Variants in AKAP19 observed in about 807,000 individuals in gnomAD.
AKAP19 encodes the protein A-kinase anchoring protein 19.
chr2:189,940,936 A>G, the AKAP19 span, among the ~76,000 whole-genome samples: 30,055 of 152,136 alleles, frequency 0.2, 3,096 homozygotes, highest in African/African-American at 0.27. Flanking sequence ...ATTTGTTCCA[A>G]ATCAGACACC....
chr2:190,167,618 A>G, the AKAP19 span, among the ~76,000 whole-genome samples: 1 of 152,234 alleles, frequency 6.6e-6, no homozygotes, highest in African/African-American at 2.4e-5. Context: ...GGGTAAAGGC[A>G]CTGGGTAAAT....
At chr2:189,983,943 G>A in the AKAP19 span, among the ~76,000 whole-genome samples, 4 of 152,226 alleles carry the variant, frequency 2.6e-5, no homozygotes, top group Non-Finnish European at 5.9e-5. Flanking sequence ...ACAAAAACCA[G>A]CAAGTTTTTT....
At chr2:190,055,741 A>T in the AKAP19 span, 5 of 152,180 alleles carry the variant, frequency 3.3e-5, no homozygotes, top group African/African-American at 1.2e-4. Context: ...TATAACTTAT[A>T]CTGTTTCTAC....
the AKAP19 span, among the ~76,000 whole-genome samples, chr2:189,913,590 T>C: frequency 1.6e-4 from 25 of 152,224 alleles, no homozygotes; most frequent in African/African-American, 5.5e-4. Context: ...TTCCTCTTGG[T>C]TCTCTTGGAT....
At chr2:189,909,132 A>G in the AKAP19 span, among the ~76,000 whole-genome samples, 2 of 151,770 alleles carry the variant, frequency 1.3e-5, no homozygotes, top group African/African-American at 2.4e-5. Context: ...TCTTTTTACA[A>G]TTTTTTAATT....
At chr2:189,916,328 T>A in the AKAP19 span, among the ~76,000 whole-genome samples, 1 of 107,324 alleles carries the variant, frequency 9.3e-6, no homozygotes, top group Non-Finnish European at 1.8e-5. Context: ...TTCTTTTTCT[T>A]CTTTTTTTTT....
chr2:189,938,352 AG>A, the AKAP19 span, among the ~76,000 whole-genome samples: 2 of 151,702 alleles, frequency 1.3e-5, no homozygotes, highest in Non-Finnish European at 2.9e-5. Flanking sequence ...AAAAAAAAAA[AG>A]AAAGAAAATG....
At chr2:190,005,015 G>T in the AKAP19 span, among the ~76,000 whole-genome samples, 1 of 152,180 alleles carries the variant, frequency 6.6e-6, no homozygotes, top group East Asian at 1.9e-4. Flanking sequence ...TAAAGATGGT[G>T]TGTCCAGAAG....
At chr2:189,983,464 G>A in the AKAP19 span, among the ~76,000 whole-genome samples, 7 of 152,196 alleles carry the variant, frequency 4.6e-5, no homozygotes, top group Non-Finnish European at 1.0e-4. Context: ...TGAAAAGCAT[G>A]AAAACACTTT....
the AKAP19 span, among the ~76,000 whole-genome samples, chr2:189,951,910 TG>T: frequency 1.3e-5 from 2 of 152,212 alleles, no homozygotes; most frequent in Non-Finnish European, 2.9e-5. Flanking sequence ...ATGAGAAAAG[TG>T]TTCTTCCTGA....
the AKAP19 span, among the ~76,000 whole-genome samples, chr2:190,185,125 T>C: frequency 6.6e-6 from 1 of 152,244 alleles, no homozygotes; most frequent in African/African-American, 2.4e-5. Context: ...CAAAATTACA[T>C]ATACTGCTGC....
At chr2:190,127,192 G>GA in the AKAP19 span, among the ~76,000 whole-genome samples, 8,254 of 141,048 alleles carry the variant, frequency 0.059, 283 homozygotes, top group African/African-American at 0.099. Context: ...GCCCTGACTG[G>GA]AAAAAAAAAA....
chr2:190,131,368 C>A, the AKAP19 span, among the ~76,000 whole-genome samples: 1 of 152,184 alleles, frequency 6.6e-6, no homozygotes, highest in Non-Finnish European at 1.5e-5. Flanking sequence ...ATGAAACCTT[C>A]ATAAAAATCC....
the AKAP19 span, among the ~76,000 whole-genome samples, chr2:189,925,652 G>A: frequency 6.6e-6 from 1 of 152,102 alleles, no homozygotes; most frequent in Non-Finnish European, 1.5e-5. Context: ...TTTCATATGT[G>A]CAATACATGT....
the AKAP19 span, among the ~76,000 whole-genome samples, chr2:190,127,446 A>T: frequency 6.6e-6 from 1 of 152,084 alleles, no homozygotes; most frequent in African/African-American, 2.4e-5. Context: ...TATGGATAAT[A>T]TATCTTGGAC....
the AKAP19 span, among the ~76,000 whole-genome samples, chr2:190,006,880 C>A: frequency 2.6e-5 from 4 of 151,936 alleles, no homozygotes; most frequent in Middle Eastern, 3.4e-3. Context: ...ATTAGCCAGG[C>A]GTGGTGGCAG....
the AKAP19 span, among the ~76,000 whole-genome samples, chr2:189,960,368 C>T: frequency 2.6e-5 from 4 of 152,160 alleles, no homozygotes; most frequent in East Asian, 1.9e-4. Context: ...GAGTGAAATA[C>T]GTGGCTTAGG....
At chr2:190,152,759 C>G in the AKAP19 span, among the ~76,000 whole-genome samples, 1 of 152,170 alleles carries the variant, frequency 6.6e-6, no homozygotes, top group Non-Finnish European at 1.5e-5. Context: ...TTAAAGAACA[C>G]AGTCTTTACA....
chr2:190,124,149 G>A, the AKAP19 span, among the ~76,000 whole-genome samples: 4 of 152,220 alleles, frequency 2.6e-5, no homozygotes, highest in Admixed American at 6.5e-5. Flanking sequence ...CAGATGGCCT[G>A]TCATGGGACT....
Sources: gnomAD v4.1 joint callset for allele counts (sites outside exome capture counted in the v4.1 genomes callset) on GRCh38, gnomAD v4.1.1 for gene constraint, MANE v1.5 for transcripts, NCBI Gene and HGNC (gene_info 2026-07-23, HGNC 2026-07-21) for gene names.